The following DBX2 variants were observed in gnomAD, a reference collection of about 807,000 sequenced individuals.
The protein encoded by DBX2 is developing brain homeobox 2, also known as homeobox protein DBX2.
DBX2 carries 16 observed loss-of-function variants against 17.7 expected under a neutral mutation model. That is an observed-to-expected ratio of 0.90 (90% CI 0.61 to 1.37). The LOEUF is 1.37. Among genes scored for constraint, DBX2 ranks in the 40% most tolerant of loss-of-function variants. DBX2 has a pLI of 0.00. For synonymous variants in DBX2, 255 were observed against 183.8 expected (o/e 1.39, Z -3.13); for missense variants, 538 against 433.8 (o/e 1.24, Z -2.13).
intron 2 of DBX2, among the ~76,000 whole-genome samples, chr12:45,032,976 C>T (rs1287904616): frequency 6.6e-6 from 1 of 152,144 alleles, no homozygotes; most frequent in Non-Finnish European, 1.5e-5. Context: ...GTTGTAATAT[C>T]AAAGATTTTC....
chr12:45,026,568 C>T (rs1469105536), intron 2 of DBX2, among the ~76,000 whole-genome samples: 4 of 152,162 alleles, frequency 2.6e-5, no homozygotes, highest in African/African-American at 4.8e-5. Context: ...AATGTACTAA[C>T]CCTACACAAT....
At chr12:45,041,621 G>A (rs1019030245) in intron 1 of DBX2, among the ~76,000 whole-genome samples, 1 of 152,118 alleles carries the variant, frequency 6.6e-6, no homozygotes, top group African/African-American at 2.4e-5. Flanking sequence ...TGCCTCAAAA[G>A]TGTTTTAAAG....
In DBX2 at chr12:45,016,101, A is replaced by T. The variant is rs747024225; in HGVS notation, c.*185T>A. On this transcript the variant is annotated 3_prime_UTR_variant, in exon 4 of 4. Transcript: ENST00000332700. ...CTTGCTGGGAGATTCTATTCCACTT[A>T]CAAATTAAGCCTGAGTCTAGGGCCA... 25 of 526,404 alleles carry T rather than the reference A, an allele frequency of 4.7e-5. No individual in the cohort carries two copies. The highest frequency in any genetic ancestry group is 7.1e-5 in the Non-Finnish European group (23 of 322,534). The allele number at this position is 526,404 out of a possible 1,614,324, so 32.6% of individuals were successfully genotyped here.
In DBX2 at chr12:45,050,693, T is replaced by C; in HGVS notation, c.235A>G (p.Ser79Gly). 1 of 1,530,720 alleles carries C rather than the reference T, an allele frequency of 6.5e-7. No homozygotes were observed. Among genetic ancestry groups the C allele is most frequent in the Non-Finnish European group, 8.8e-7 (1 of 1,139,168 alleles). 94.8% of individuals were successfully genotyped at this position (1,530,720 alleles called of 1,614,324 possible). The part of the protein sequence containing the change: ...AGAQLRPLPA[S>G]PVPLKLCPAA... ...GGGCACAGCTTTAGGGGAACTGGGC[T>C]AGCAGGCAGGGGCCGGAGCTGCGCG... is the stretch of plus-strand genomic sequence containing the variant. Residue 79 changes from serine (S) to glycine (G), a missense_variant, in exon 1 of 4, where the codon AGC (serine) becomes GGC (glycine). Transcript: ENST00000332700.
chr12:45,019,939 A>C lies in DBX2; in HGVS notation c.688-3321T>G, dbSNP rs1229051774. 5.9e-5 allele frequency among the ~76,000 whole-genome samples: 9 copies of C among 152,264 alleles called. 1 individual carries two copies. In the South Asian group the frequency reaches 1.9e-3, roughly 32 times the overall value. On this transcript the variant is annotated intron_variant, in intron 3 of 3. Transcript: ENST00000332700. ...GAATACGCATGAGCTTTTACTACAC[A>C]CAACATGAAGATTCTCACAAACATA...
At chr12:45,019,058 T>G (rs1946337785) in intron 3 of DBX2, among the ~76,000 whole-genome samples, 1 of 152,016 alleles carries the variant, frequency 6.6e-6, no homozygotes. Flanking sequence ...TTTCTGGAGA[T>G]GAATGGTCGT....
chr12:45,019,355 A>T (rs1245459420), intron 3 of DBX2, among the ~76,000 whole-genome samples: 1 of 152,102 alleles, frequency 6.6e-6, no homozygotes, highest in African/African-American at 2.4e-5. Flanking sequence ...TGGCCAATAA[A>T]ACAAATAAAA....
At chr12:45,019,881 G>T (rs763765626) in intron 3 of DBX2, among the ~76,000 whole-genome samples, 11 of 152,068 alleles carry the variant, frequency 7.2e-5, no homozygotes, top group African/African-American at 2.4e-4. Context: ...ATGAATTGTG[G>T]TATACTACAT....
At position 45,036,072 on chromosome 12, in the gene DBX2, G is replaced by A. The variant is rs144046195; in HGVS notation, c.446C>T (p.Ser149Leu). Residue 149 changes from serine to leucine, a missense_variant, in exon 2 of 4, where the codon TCG becomes TTG. Ser to Leu is a moderately radical substitution (Grantham distance 145). Transcript: ENST00000332700. Reference protein sequence around the residue: ...PFLLSTPPFYSACCGGSCRRP... With the variant: ...PFLLSTPPFYLACCGGSCRRP... ...CCGACAGGACCCACCGCAGCACGCC[G>A]AGTAGAATGGCGGGGTGCTCAGAAG... 8 of 1,613,650 alleles carry A rather than the reference G, an allele frequency of 5.0e-6. No homozygotes were observed. Among genetic ancestry groups the A allele is most frequent in the African/African-American group, 2.7e-5 (2 of 74,910 alleles).
At chr12:45,041,652 A>C (rs1946471870) in intron 1 of DBX2, among the ~76,000 whole-genome samples, 1 of 152,144 alleles carries the variant, frequency 6.6e-6, no homozygotes, top group Non-Finnish European at 1.5e-5. Context: ...AAAGGGTCTT[A>C]ATGTTTTGGT....
intron 1 of DBX2, 123 bp from the exon 2 acceptor site, chr12:45,036,237 AGTTATTAT>A: frequency 2.2e-6 from 2 of 890,126 alleles, no homozygotes; most frequent in Non-Finnish European, 3.2e-6. Context: ...TTGAAATTAA[AGTTATTAT>A]AAAGTAGCCT....
intron 3 of DBX2, among the ~76,000 whole-genome samples, chr12:45,019,893 A>T (rs1370257776): frequency 6.6e-6 from 1 of 152,118 alleles, no homozygotes; most frequent in Non-Finnish European, 1.5e-5. Context: ...ATACTACATA[A>T]TGGTAGTACT....
intron 3 of DBX2, among the ~76,000 whole-genome samples, chr12:45,021,489 T>C (rs1005135219): frequency 3.3e-5 from 5 of 152,226 alleles, no homozygotes; most frequent in Non-Finnish European, 7.3e-5. Flanking sequence ...CTCAGAGCAC[T>C]GTCAGATGGA....
intron 2 of DBX2, among the ~76,000 whole-genome samples, chr12:45,030,411 T>A (rs1289991526): frequency 6.6e-6 from 1 of 152,234 alleles, no homozygotes. Context: ...CTCATGTTAA[T>A]CTCTGGATCA....
At chr12:45,032,506 A>G (rs941695695) in intron 2 of DBX2, among the ~76,000 whole-genome samples, 3 of 152,210 alleles carry the variant, frequency 2.0e-5, no homozygotes, top group African/African-American at 7.2e-5. Flanking sequence ...ATCTTTGACC[A>G]TGAAACTCAC....
At chr12:45,025,206 A>G (rs1453255169) in intron 2 of DBX2, among the ~76,000 whole-genome samples, 1 of 152,238 alleles carries the variant, frequency 6.6e-6, no homozygotes, top group African/African-American at 2.4e-5. Context: ...AGTAATCATA[A>G]GATTCCTTAT....
At chr12:45,021,569 C>A (rs1946352181) in intron 3 of DBX2, among the ~76,000 whole-genome samples, 1 of 152,168 alleles carries the variant, frequency 6.6e-6, no homozygotes, top group Admixed American at 6.5e-5. Flanking sequence ...CAGAGGCTCT[C>A]CAAACTCCTA....
chr12:45,016,369 C>G lies in DBX2; in HGVS notation c.937G>C (p.Glu313Gln). Residue 313 changes from glutamate to glutamine, a missense_variant, in exon 4 of 4, where the codon GAA becomes CAA. Physicochemically the swap from Glu to Gln is conservative, Grantham distance 29. Coordinates refer to ENST00000332700, the MANE Select transcript of DBX2 (RefSeq NM_001004329.3). ...AAGGCACCTTGCAGTGAATTTGCTTCTGGGGGTGGTGCCCCTGAACTCTCC... is the reference window on the plus strand; with the variant it reads ...AAGGCACCTTGCAGTGAATTTGCTTGTGGGGGTGGTGCCCCTGAACTCTCC... ...IQESSGAPPP[E>Q]ANSLQGALYL... is the part of the protein sequence containing the mutation. 6.2e-7 allele frequency: 1 copy of G among 1,613,442 alleles called. No individual in the cohort carries two copies. Among genetic ancestry groups the G allele is most frequent in the Non-Finnish European group, 8.5e-7 (1 of 1,179,776 alleles).
intron 2 of DBX2, among the ~76,000 whole-genome samples, chr12:45,034,074 G>A (rs1425006980): frequency 6.6e-6 from 1 of 151,476 alleles, no homozygotes; most frequent in Non-Finnish European, 1.5e-5. Context: ...AAACTTTGAT[G>A]GCTTGAGACT....
Sources: allele counts gnomAD v4.1 joint callset (sites outside exome capture counted in the v4.1 genomes callset), GRCh38; gene constraint gnomAD v4.1.1; transcripts MANE v1.5; gene names NCBI Gene and HGNC (gene_info 2026-07-23, HGNC 2026-07-21).